SYNJ1: variants seen among roughly 807,000 people sequenced by gnomAD.
SYNJ1 encodes polyphosphatidylinositol phosphatase SYNJ1.
In SYNJ1, 78 loss-of-function variants were observed where a neutral mutation model predicts 168.2. That is an observed-to-expected ratio of 0.46 (90% CI 0.39 to 0.56). SYNJ1 has a LOEUF of 0.56. Among genes scored for constraint, SYNJ1 ranks in the 20% least tolerant of loss-of-function variants. The pLI is 0.00. For missense variants in SYNJ1, 1,303 were observed against 1,597.6 expected (o/e 0.82, Z 3.14); for synonymous variants, 539 against 548.6 (o/e 0.98, Z 0.24).
intron 10 of SYNJ1, among the ~76,000 whole-genome samples, chr21:32,682,945 T>C (rs2041679497): frequency 6.6e-6 from 1 of 152,120 alleles, no homozygotes; most frequent in Non-Finnish European, 1.5e-5. Flanking sequence ...CTAAATAAAT[T>C]ACAAATAAAC....
In SYNJ1 at chr21:32,631,632, G is replaced by A. The variant is rs1341548536; in HGVS notation, c.*173C>T. The A allele has an allele frequency of 1.5e-5, 24 of 1,612,532 alleles. No individual in the cohort carries two copies. Among genetic ancestry groups the A allele is most frequent in the African/African-American group, 1.2e-4 (9 of 74,552 alleles). On this transcript the variant is annotated 3_prime_UTR_variant, in exon 33 of 33. Transcript: ENST00000674351. Reference sequence around the variant, plus strand: ...TACAGAACTCAAAACATTACTTTGCGTTGCAGAAGGCAACTGAATCAACCT... The same window carrying A: ...TACAGAACTCAAAACATTACTTTGCATTGCAGAAGGCAACTGAATCAACCT...
At chr21:32,711,622 G>A (rs772836851) in intron 2 of SYNJ1, among the ~76,000 whole-genome samples, 12 of 152,186 alleles carry the variant, frequency 7.9e-5, no homozygotes, top group Middle Eastern at 3.4e-3. Context: ...GAGCCACCGC[G>A]CCCAGCAATG....
chr21:32,666,798 T>A (rs528913872), intron 15 of SYNJ1, among the ~76,000 whole-genome samples: 1 of 152,280 alleles, frequency 6.6e-6, no homozygotes, highest in South Asian at 2.1e-4. Context: ...TATAAAGACA[T>A]TAAATGGCTA....
At chr21:32,712,696 A>G (rs1823617692) in intron 2 of SYNJ1, among the ~76,000 whole-genome samples, 1 of 152,248 alleles carries the variant, frequency 6.6e-6, no homozygotes, top group Non-Finnish European at 1.5e-5. Context: ...TTATATAACC[A>G]TACAAATGCA....
intron 14 of SYNJ1, 45 bp downstream of exon 14, chr21:32,673,295 C>A: frequency 6.5e-7 from 1 of 1,547,132 alleles, no homozygotes. Flanking sequence ...ATCAATACAA[C>A]ACAGTCAGGA....
At position 32,694,483 on chromosome 21, in the gene SYNJ1, A is replaced by G. The variant is rs968002569; in HGVS notation, c.706-172T>C. On this transcript the variant is annotated intron_variant, in intron 5 of 32. Transcript: ENST00000674351. ...TACAGGTTTGACTTTTTTTTCTGTTAGCGATATTAACCAAAAAAATTAGTA... is the reference window on the plus strand; with the variant it reads ...TACAGGTTTGACTTTTTTTTCTGTTGGCGATATTAACCAAAAAAATTAGTA... 5.9e-5 allele frequency among the ~76,000 whole-genome samples: 9 copies of G among 152,258 alleles called. No homozygotes were observed. In the East Asian group the frequency reaches 1.5e-3, roughly 26 times the overall value.
At position 32,645,026 on chromosome 21, in the gene SYNJ1, T is replaced by C. The variant is rs375300586; in HGVS notation, c.3392-20A>G. ...TAGCCCCTTATAGTTCATAAGAAAA[T>C]AGGCAGCAGAAAGGAAATGACATTA... On this transcript the variant is annotated intron_variant, in intron 25 of 32. Transcript: ENST00000674351. 4.8e-5 allele frequency: 77 copies of C among 1,595,190 alleles called. No individual in the cohort carries two copies. Among genetic ancestry groups the C allele is most frequent in the Middle Eastern group, 3.3e-4 (2 of 6,022 alleles).
chr21:32,641,182 C>T (rs978173534), intron 29 of SYNJ1, among the ~76,000 whole-genome samples: 1 of 152,174 alleles, frequency 6.6e-6, no homozygotes, highest in African/African-American at 2.4e-5. Flanking sequence ...AGTAATAGCT[C>T]TCAGTTTCCT....
intron 27 of SYNJ1, 119 bp downstream of exon 27, chr21:32,643,291 T>C (rs2145755021): frequency 9.7e-7 from 1 of 1,033,876 alleles, no homozygotes; most frequent in African/African-American, 1.6e-5. Flanking sequence ...AAGAGAAGTT[T>C]ACAGCTGGAC....
At chr21:32,719,607 G>C (rs1415481124) in intron 2 of SYNJ1, among the ~76,000 whole-genome samples, 4 of 151,882 alleles carry the variant, frequency 2.6e-5, no homozygotes, top group African/African-American at 7.3e-5. Flanking sequence ...CCAGCTACTT[G>C]AGAGGCTGAG....
intron 9 of SYNJ1, 37 bp downstream of exon 9, chr21:32,685,711 T>C (rs1438255554): frequency 2.1e-6 from 3 of 1,448,318 alleles, no homozygotes; most frequent in East Asian, 5.0e-5. Flanking sequence ...TTAATTAATG[T>C]TCCAATTCAA....
intron 21 of SYNJ1, among the ~76,000 whole-genome samples, chr21:32,655,345 T>C (rs1027593407): frequency 1.3e-5 from 2 of 152,244 alleles, no homozygotes; most frequent in South Asian, 4.1e-4. Flanking sequence ...ATCTGTACAC[T>C]TGCAGATTTC....
intron 6 of SYNJ1, among the ~76,000 whole-genome samples, chr21:32,689,455 C>T (rs1249082170): frequency 6.6e-6 from 1 of 152,146 alleles, no homozygotes; most frequent in African/African-American, 2.4e-5. Flanking sequence ...CGCCACCACG[C>T]CCAGCTAATT....
chr21:32,700,716 G>A (rs1048459342), intron 3 of SYNJ1, among the ~76,000 whole-genome samples: 4 of 152,100 alleles, frequency 2.6e-5, no homozygotes, highest in African/African-American at 9.7e-5. Context: ...AAAAGTATGT[G>A]TTACCTTCTC....
At chr21:32,653,548 TA>T (rs1190680472) in intron 21 of SYNJ1, 182 bp from the exon 22 acceptor site, 3 of 544,498 alleles carry the variant, frequency 5.5e-6, no homozygotes, top group African/African-American at 3.8e-5. Context: ...AAAAACACTC[TA>T]ACTCCAATTT....
chr21:32,631,618 A>AAGTACT lies in SYNJ1; in HGVS notation c.*186_*187insAGTACT, dbSNP rs57257560. Reference sequence around the variant, plus strand: ...GTTGGCATGCAACTTACAGAACTCAAAACATTACTTTGCGTTGCAGAAGGC... The same window carrying AAGTACT: ...GTTGGCATGCAACTTACAGAACTCAAAGTACTAACATTACTTTGCGTTGCAGAAGGC... On this transcript the variant is annotated 3_prime_UTR_variant, in exon 33 of 33. Coordinates refer to ENST00000674351, the MANE Select transcript of SYNJ1 (RefSeq NM_203446.3). 7 of 1,612,994 alleles carry AAGTACT rather than the reference A, an allele frequency of 4.3e-6. No homozygotes were observed.
intron 2 of SYNJ1, among the ~76,000 whole-genome samples, chr21:32,721,513 C>T (rs921715938): frequency 6.6e-5 from 10 of 151,852 alleles, no homozygotes; most frequent in Admixed American, 4.6e-4. Context: ...CCTGTCTCTA[C>T]TAAAAATAAG....
At chr21:32,704,439 T>C (rs1345226607) in intron 2 of SYNJ1, among the ~76,000 whole-genome samples, 1 of 152,208 alleles carries the variant, frequency 6.6e-6, no homozygotes, top group Non-Finnish European at 1.5e-5. Context: ...CTTTACGATA[T>C]ATGCTTCAAA....
intron 2 of SYNJ1, among the ~76,000 whole-genome samples, chr21:32,710,155 A>T (rs1906099770): frequency 6.6e-6 from 1 of 152,106 alleles, no homozygotes; most frequent in Admixed American, 6.5e-5. Flanking sequence ...AGCCGAGATT[A>T]CATCATTGTA....
Sources: gnomAD v4.1 joint callset for allele counts (sites outside exome capture counted in the v4.1 genomes callset) on GRCh38, gnomAD v4.1.1 for gene constraint, MANE v1.5 for transcripts, NCBI Gene and HGNC (gene_info 2026-07-23, HGNC 2026-07-21) for gene names.